The following EPM2A variants were observed in gnomAD, a reference collection of about 807,000 sequenced individuals.
EPM2A encodes the protein EPM2A glucan phosphatase, laforin.
EPM2A carries 21 observed loss-of-function variants against 26.5 expected under a neutral mutation model. The observed-to-expected ratio is 0.79, with a 90% CI of 0.56 to 1.14. EPM2A has a LOEUF of 1.14. EPM2A is among the 50% of genes most tolerant of loss of function. The pLI is 0.00. For synonymous variants in EPM2A, 217 were observed against 177.6 expected (o/e 1.22, Z -1.76); for missense variants, 458 against 440.8 (o/e 1.04, Z -0.35).
chr6:145,400,986 A>C (rs566872982), intron 4 of EPM2A, among the ~76,000 whole-genome samples: 21 of 152,302 alleles, frequency 1.4e-4, no homozygotes, highest in Middle Eastern at 3.4e-3. Context: ...GAATGAAAAA[A>C]ATATTAGATT....
chr6:145,720,242 A>T (rs1775882132), intron 1 of EPM2A, among the ~76,000 whole-genome samples: 2 of 152,196 alleles, frequency 1.3e-5, no homozygotes, highest in Non-Finnish European at 2.9e-5. Context: ...CTTTTTAAAT[A>T]AGTATTTCTT....
At chr6:145,545,108 C>G (rs577734076) in intron 2 of EPM2A, among the ~76,000 whole-genome samples, 1 of 152,276 alleles carries the variant, frequency 6.6e-6, no homozygotes, top group South Asian at 2.1e-4. Context: ...TCACCTCTAC[C>G]ATTATCATAA....
intron 3 of EPM2A, 174 bp from the exon 4 acceptor site, chr6:145,627,867 C>T: frequency 1.1e-6 from 1 of 872,328 alleles, no homozygotes. Flanking sequence ...TTACAATCTG[C>T]TAATAGCAAA....
At chr6:145,530,884 T>C (rs1052491432) in intron 2 of EPM2A, among the ~76,000 whole-genome samples, 1 of 152,220 alleles carries the variant, frequency 6.6e-6, no homozygotes, top group Non-Finnish European at 1.5e-5. Flanking sequence ...CTGATGCTAG[T>C]ATTGACCCAC....
intron 2 of EPM2A, among the ~76,000 whole-genome samples, chr6:145,570,702 A>G (rs1780943008): frequency 6.6e-6 from 1 of 152,052 alleles, no homozygotes; most frequent in Non-Finnish European, 1.5e-5. Context: ...AGTGACCCAA[A>G]CCTTCATTCT....
Position 145,543,796 on chromosome 6 carries a change from C to A in EPM2A, c.341-41221G>T, listed in dbSNP as rs555194341. Among the ~76,000 whole-genome samples the A allele has an allele frequency of 8.5e-5, 13 of 152,178 alleles. No homozygotes were observed. In the South Asian group the frequency reaches 2.7e-3, roughly 32 times the overall value. On this transcript the variant is annotated intron_variant, in intron 2 of 3. Coordinates refer to the EPM2A transcript ENST00000450221. ...GTCATGTCCTTTCTCTCCACTGGGC[C>A]ATTTTCCCCCTAGATTTCCAAGAAC...
intron 4 of EPM2A, among the ~76,000 whole-genome samples, chr6:145,403,521 T>C (rs1326335886): frequency 6.6e-6 from 1 of 152,082 alleles, no homozygotes; most frequent in South Asian, 2.1e-4. Context: ...AATCATGTGA[T>C]GTCTTTCTGT....
intron 2 of EPM2A, among the ~76,000 whole-genome samples, chr6:145,600,124 T>C (rs1781397721): frequency 2.0e-5 from 3 of 152,226 alleles, no homozygotes; most frequent in Admixed American, 2.0e-4. Flanking sequence ...ATTTTTCATG[T>C]GGACAGCCAT....
intron 2 of EPM2A, among the ~76,000 whole-genome samples, chr6:145,532,046 C>T (rs1280554884): frequency 2.0e-5 from 3 of 152,140 alleles, no homozygotes; most frequent in Admixed American, 6.5e-5. Flanking sequence ...CCAAGTAACA[C>T]TACAGGTCAC....
At chr6:145,510,516 C>G (rs952923279) in intron 2 of EPM2A, among the ~76,000 whole-genome samples, 7 of 151,984 alleles carry the variant, frequency 4.6e-5, no homozygotes, top group African/African-American at 1.7e-4. Context: ...AAAATTAAGG[C>G]AGAAATGACA....
intron 2 of EPM2A, among the ~76,000 whole-genome samples, chr6:145,652,048 G>A (rs1003949375): frequency 3.3e-5 from 5 of 152,096 alleles, no homozygotes; most frequent in African/African-American, 1.2e-4. Context: ...GAGCTGTGGA[G>A]CTTCAAACTT....
chr6:145,729,914 G>A (rs1192675745), intron 1 of EPM2A, among the ~76,000 whole-genome samples: 1 of 152,174 alleles, frequency 6.6e-6, no homozygotes, highest in Non-Finnish European at 1.5e-5. Flanking sequence ...GGGCCTGGTG[G>A]AAGGTGATTA....
chr6:145,729,273 C>T (rs547023444), intron 1 of EPM2A, among the ~76,000 whole-genome samples: 2 of 152,302 alleles, frequency 1.3e-5, no homozygotes, highest in South Asian at 4.1e-4. Context: ...GGGGCACTGC[C>T]TACTGGAGCT....
chr6:145,448,835 T>C (rs976479568), intron 4 of EPM2A, among the ~76,000 whole-genome samples: 1 of 152,156 alleles, frequency 6.6e-6, no homozygotes, highest in East Asian at 1.9e-4. Context: ...AAAAATAATC[T>C]AAACAAAGTC....
chr6:145,488,516 T>TGACA (rs1216389057), intron 4 of EPM2A, among the ~76,000 whole-genome samples: 27 of 131,748 alleles, frequency 2.0e-4, no homozygotes, highest in African/African-American at 8.0e-4. Context: ...TGTGTGTGTG[T>TGACA]GTGTGTGAGA....
chr6:145,599,033 G>A (rs188856860), intron 2 of EPM2A, among the ~76,000 whole-genome samples: 62 of 152,252 alleles, frequency 4.1e-4, no homozygotes, highest in African/African-American at 1.4e-3. Context: ...CTGAAGTCAG[G>A]TAACATGATG....
intron 2 of EPM2A, among the ~76,000 whole-genome samples, chr6:145,558,869 T>G (rs1780767928): frequency 6.6e-6 from 1 of 152,106 alleles, no homozygotes; most frequent in Non-Finnish European, 1.5e-5. Context: ...TTCCTAGCCC[T>G]CCCTGGACCA....
intron 2 of EPM2A, among the ~76,000 whole-genome samples, chr6:145,535,344 C>T (rs994767568): frequency 6.6e-6 from 1 of 152,220 alleles, no homozygotes; most frequent in Non-Finnish European, 1.5e-5. Context: ...CTTGCTTCTT[C>T]CAGGACAGTG....
chr6:145,438,084 T>C (rs1205884064), intron 4 of EPM2A, among the ~76,000 whole-genome samples: 1 of 152,166 alleles, frequency 6.6e-6, no homozygotes, highest in East Asian at 1.9e-4. Context: ...AGGTGGTGTA[T>C]GTGTGTGTGC....
Sources: allele counts gnomAD v4.1 joint callset (sites outside exome capture counted in the v4.1 genomes callset), GRCh38; gene constraint gnomAD v4.1.1; transcripts MANE v1.5; gene names NCBI Gene and HGNC (gene_info 2026-07-23, HGNC 2026-07-21).